The following LINGO2 variants were observed in gnomAD, a reference collection of about 807,000 sequenced individuals.
LINGO2 encodes leucine-rich repeat and immunoglobulin-like domain-containing nogo receptor-interacting protein 2.
Under a neutral mutation model 30.6 loss-of-function variants are expected in LINGO2, and 14 were observed. The observed-to-expected ratio is 0.46, with a 90% CI of 0.30 to 0.72. The LOEUF is 0.72. LINGO2 is among the 30% of genes least tolerant of loss of function. The pLI, the probability that LINGO2 is intolerant of heterozygous loss-of-function variation, is 0.07. For synonymous variants in LINGO2, 317 were observed against 288.5 expected (o/e 1.10, Z -1.00); for missense variants, 729 against 751.7 (o/e 0.97, Z 0.35).
chr9:28,788,611 C>T, the LINGO2 span, among the ~76,000 whole-genome samples: 1 of 151,998 alleles, frequency 6.6e-6, no homozygotes, highest in Non-Finnish European at 1.5e-5. Context: ...GCTGGGGAGG[C>T]CTCAGGAAAC....
intron 3 of LINGO2, among the ~76,000 whole-genome samples, chr9:28,339,407 A>T (rs1825695035): frequency 6.6e-6 from 1 of 152,182 alleles, no homozygotes; most frequent in Non-Finnish European, 1.5e-5. Context: ...ATGGGATAAT[A>T]GGACTTACCA....
chr9:28,002,689 A>G lies in LINGO2; in HGVS notation c.-36+9666T>C, dbSNP rs150066331. On this transcript the variant is annotated intron_variant, in intron 5 of 5. Coordinates refer to ENST00000379992, the Ensembl canonical transcript of LINGO2. Reference sequence around the variant, plus strand: ...GATATTTAAGTACAAGTCCTTGAATAACGCCATTTCAGTCAACATCATTTC... The same window carrying G: ...GATATTTAAGTACAAGTCCTTGAATGACGCCATTTCAGTCAACATCATTTC... Among the ~76,000 whole-genome samples the G allele has an allele frequency of 9.8e-5, 15 of 152,292 alleles. No individual in the cohort carries two copies. In the East Asian group the frequency reaches 2.7e-3, roughly 27 times the overall value.
intron 4 of LINGO2, chr9:28,080,638 C>T (rs10968333): frequency 0.14 from 21,773 of 152,244 alleles, 2,038 homozygotes; most frequent in Middle Eastern, 0.21. Flanking sequence ...ACTATCTCCC[C>T]TCACAAGGTG....
chr9:28,939,772 G>A, the LINGO2 span, among the ~76,000 whole-genome samples: 1 of 152,106 alleles, frequency 6.6e-6, no homozygotes, highest in Non-Finnish European at 1.5e-5. Flanking sequence ...ATGTGCATGG[G>A]ATGAGTGAAT....
chr9:28,516,407 C>T (rs557348548), intron 1 of LINGO2, among the ~76,000 whole-genome samples: 6 of 152,264 alleles, frequency 3.9e-5, no homozygotes, highest in South Asian at 4.1e-4. Context: ...AGAAGTGCTA[C>T]GACTTCACTG....
chr9:28,191,489 A>G (rs1259030256), intron 4 of LINGO2, among the ~76,000 whole-genome samples: 2 of 152,160 alleles, frequency 1.3e-5, no homozygotes, highest in Non-Finnish European at 2.9e-5. Context: ...ATAAAATAAA[A>G]TCACTTGGCT....
At chr9:29,154,191 T>G in the LINGO2 span, among the ~76,000 whole-genome samples, 1 of 152,010 alleles carries the variant, frequency 6.6e-6, no homozygotes, top group Non-Finnish European at 1.5e-5. Context: ...ACACCTGTAA[T>G]CCCAGCATTT....
the LINGO2 span, among the ~76,000 whole-genome samples, chr9:28,959,610 C>CACACACACACA: frequency 7.1e-6 from 1 of 141,620 alleles, no homozygotes; most frequent in African/African-American, 2.7e-5. Flanking sequence ...TCTCTCTCTC[C>CACACACACACA]CTCACACACA....
At chr9:29,094,237 T>G in the LINGO2 span, among the ~76,000 whole-genome samples, 9 of 138,866 alleles carry the variant, frequency 6.5e-5, 3 homozygotes, top group African/African-American at 2.4e-4. Flanking sequence ...AAATTATCCT[T>G]TACTCTGATT....
At chr9:28,270,784 C>A (rs1822911671) in intron 4 of LINGO2, among the ~76,000 whole-genome samples, 1 of 151,962 alleles carries the variant, frequency 6.6e-6, no homozygotes, top group South Asian at 2.1e-4. Flanking sequence ...TACTGTGTAC[C>A]AAACATCATG....
the LINGO2 span, among the ~76,000 whole-genome samples, chr9:29,093,024 T>A: frequency 4.4e-4 from 21 of 48,260 alleles, 4 homozygotes; most frequent in Admixed American, 1.8e-3. Context: ...TATGATAATG[T>A]GTGTGTATAT....
chr9:29,050,271 C>T, the LINGO2 span, among the ~76,000 whole-genome samples: 3,324 of 152,230 alleles, frequency 0.022, 119 homozygotes, highest in African/African-American at 0.075. Context: ...GTGATCCACC[C>T]GCCTTGGCCT....
At chr9:29,118,481 T>TCTGG in the LINGO2 span, among the ~76,000 whole-genome samples, 4 of 152,228 alleles carry the variant, frequency 2.6e-5, no homozygotes, top group Non-Finnish European at 4.4e-5. Flanking sequence ...CAACCAACGA[T>TCTGG]CTGGCAGCCG....
chr9:28,368,689 C>G (rs562571724), intron 3 of LINGO2, among the ~76,000 whole-genome samples: 1 of 151,590 alleles, frequency 6.6e-6, no homozygotes, highest in South Asian at 2.1e-4. Context: ...CTCCCCCTCC[C>G]GAGTTCACAC....
the LINGO2 span, among the ~76,000 whole-genome samples, chr9:28,806,688 C>T: frequency 3.9e-4 from 60 of 151,970 alleles, no homozygotes; most frequent in Non-Finnish European, 6.9e-4. Flanking sequence ...TTCATCGAAG[C>T]CATAGTGACA....
At chr9:28,092,286 G>C (rs540121206) in intron 4 of LINGO2, among the ~76,000 whole-genome samples, 1 of 152,126 alleles carries the variant, frequency 6.6e-6, no homozygotes, top group East Asian at 1.9e-4. Flanking sequence ...GCAAAGACTT[G>C]GAACCAACCC....
intron 3 of LINGO2, among the ~76,000 whole-genome samples, chr9:28,356,092 A>G (rs761906796): frequency 6.6e-6 from 1 of 152,162 alleles, no homozygotes; most frequent in Non-Finnish European, 1.5e-5. Context: ...GAAGAAAGCA[A>G]TCAATTGTGA....
At chr9:28,377,258 C>T (rs1821165341) in intron 2 of LINGO2, among the ~76,000 whole-genome samples, 2 of 152,122 alleles carry the variant, frequency 1.3e-5, no homozygotes. Flanking sequence ...CCTCCTCTTC[C>T]TCTGCCTTCT....
intron 2 of LINGO2, among the ~76,000 whole-genome samples, chr9:28,438,357 G>C (rs1443692292): frequency 6.6e-6 from 1 of 152,174 alleles, no homozygotes; most frequent in Non-Finnish European, 1.5e-5. Context: ...AGAATAGAAA[G>C]GTAGAGGAAG....
Sources: gnomAD v4.1 joint callset for allele counts (sites outside exome capture counted in the v4.1 genomes callset) on GRCh38, gnomAD v4.1.1 for gene constraint, MANE v1.5 for transcripts, NCBI Gene and HGNC (gene_info 2026-07-23, HGNC 2026-07-21) for gene names.